ALOX5: variants seen among roughly 807,000 people sequenced by gnomAD.
ALOX5 encodes the protein polyunsaturated fatty acid 5-lipoxygenase.
In ALOX5, 64 loss-of-function variants were observed where a neutral mutation model predicts 87.9. The ratio of observed to expected loss-of-function variants is 0.73; its 90% confidence interval spans 0.60 to 0.90. The LOEUF (loss-of-function observed/expected upper bound fraction) is 0.90, where lower values mean the gene tolerates loss of function less well. Ranked by LOEUF, ALOX5 falls within the 40% of genes least tolerant of loss-of-function variation. The pLI is 0.00. For synonymous variants in ALOX5, 388 were observed against 355.1 expected, an observed-to-expected ratio of 1.09 and a Z score of -1.04; for missense variants, 822 against 907.5, an observed-to-expected ratio of 0.91 and a Z score of 1.21.
Position 45,445,909 on chromosome 10 carries a change from G to A in ALOX5, c.*222G>A. ...ACAGAGCAGGACTGCACAGCGTCCT[G>A]TCCACACCCAGCTCAGCATTTCCAC... On this transcript the variant is annotated 3_prime_UTR_variant, in exon 14 of 14. Transcript: ENST00000374391. The A allele has an allele frequency of 2.1e-6, 1 of 472,992 alleles. No homozygotes were observed. The highest frequency in any genetic ancestry group is 3.7e-6 in the Non-Finnish European group (1 of 270,922). The allele number at this position is 472,992 out of a possible 1,614,324, so 29.3% of individuals were successfully genotyped here.
chr10:45,421,040 G>A (rs1011130243), intron 4 of ALOX5, among the ~76,000 whole-genome samples: 1 of 152,236 alleles, frequency 6.6e-6, no homozygotes, highest in African/African-American at 2.4e-5. Flanking sequence ...CTGCCCCTAG[G>A]CCAGGTGATC....
chr10:45,443,321 G>C, intron 10 of ALOX5, 95 bp from the exon 11 acceptor site: 1 of 1,583,996 alleles, frequency 6.3e-7, no homozygotes, highest in Admixed American at 1.7e-5. Context: ...TGGGGACGGG[G>C]TGGGGGAGTC....
At chr10:45,377,468 C>T (rs1234091229) in intron 1 of ALOX5, among the ~76,000 whole-genome samples, 4 of 152,042 alleles carry the variant, frequency 2.6e-5, no homozygotes, top group Non-Finnish European at 5.9e-5. Flanking sequence ...CTTCCAGCCA[C>T]CTCTCAGAGG....
At chr10:45,422,004 A>G (rs1217600607) in intron 4 of ALOX5, among the ~76,000 whole-genome samples, 2 of 152,128 alleles carry the variant, frequency 1.3e-5, no homozygotes, top group African/African-American at 2.4e-5. Flanking sequence ...CCTGAGCATC[A>G]TGGCCTCCTA....
chr10:45,376,471 C>T (rs943145118), intron 1 of ALOX5, among the ~76,000 whole-genome samples: 1 of 152,182 alleles, frequency 6.6e-6, no homozygotes, highest in Non-Finnish European at 1.5e-5. Context: ...CAGCCCAGAA[C>T]TACTTCCTCA....
Position 45,397,164 on chromosome 10 carries a change from C to T in ALOX5, c.431+1228C>T, listed in dbSNP as rs548172777. Among the ~76,000 whole-genome samples the T allele has an allele frequency of 1.3e-3, 193 of 152,300 alleles. 1 individual carries two copies. The highest frequency in any genetic ancestry group is 4.5e-3 in the African/African-American group (189 of 41,554). On this transcript the variant is annotated intron_variant, in intron 3 of 13. Transcript: ENST00000374391. ...TTGGGAGGCCAAGGCGGGTGGATCA[C>T]GATGTCAAGAGATTGAGACCATCCT...
chr10:45,395,435 A>G (rs976895193), intron 2 of ALOX5, among the ~76,000 whole-genome samples: 1 of 152,170 alleles, frequency 6.6e-6, no homozygotes, highest in Non-Finnish European at 1.5e-5. Flanking sequence ...GAAGGGGAAC[A>G]TCACACACCA....
intron 1 of ALOX5, among the ~76,000 whole-genome samples, chr10:45,378,534 A>T (rs922676857): frequency 3.9e-5 from 6 of 152,228 alleles, no homozygotes; most frequent in Non-Finnish European, 5.9e-5. Context: ...AATGTGTCAC[A>T]GCAAATAGAC....
intron 4 of ALOX5, among the ~76,000 whole-genome samples, chr10:45,423,811 G>A (rs975861843): frequency 1.3e-5 from 2 of 152,216 alleles, no homozygotes; most frequent in Non-Finnish European, 2.9e-5. Context: ...AGGCACTGCA[G>A]GCTATTCTGG....
intron 3 of ALOX5, among the ~76,000 whole-genome samples, chr10:45,410,378 C>T (rs189914144): frequency 1.1e-3 from 170 of 152,190 alleles, no homozygotes; most frequent in Non-Finnish European, 4.0e-4. Context: ...ATACAAACAG[C>T]AAAAATGGAA....
In ALOX5 at chr10:45,441,421, C is replaced by A; in HGVS notation, c.1263C>A (p.Leu421=). The A allele has an allele frequency of 1.2e-6, 2 of 1,613,366 alleles. No homozygotes were observed. Among genetic ancestry groups the A allele is most frequent in the South Asian group, 2.2e-5 (2 of 91,004 alleles). ...AGCAGCTCATCTGCGAGTGTGGCCTCTTTGACAAGGTGGGTGCCCTCCTAC... is the reference window on the plus strand; with the variant it reads ...AGCAGCTCATCTGCGAGTGTGGCCTATTTGACAAGGTGGGTGCCCTCCTAC... ...AREQLICECG[L]FDKANATGGG... The change falls in exon 9 of 14, where the codon CTC becomes CTA. Residue 421 remains leucine, a synonymous_variant. Coordinates refer to ENST00000374391, the MANE Select transcript of ALOX5 (RefSeq NM_000698.5).
In ALOX5 at chr10:45,444,266, A is replaced by G; in HGVS notation, c.1825A>G (p.Ser609Gly). The G allele has an allele frequency of 6.4e-7, 1 of 1,554,326 alleles. No individual in the cohort carries two copies. Among genetic ancestry groups the G allele is most frequent in the Non-Finnish European group, 8.7e-7 (1 of 1,148,918 alleles). Residue 609 changes from serine to glycine, a missense_variant, in exon 13 of 14, where the codon AGC becomes GGC. By Grantham distance (56) the Ser-to-Gly change is moderately conservative. Coordinates refer to ENST00000374391, the MANE Select transcript of ALOX5 (RefSeq NM_000698.5). ...GCATCTGGGTGCAGTGTGGGCGCTGAGCCAGTTCCAGGAAAACGAGGTGAA... is the reference window on the plus strand; with the variant it reads ...GCATCTGGGTGCAGTGTGGGCGCTGGGCCAGTTCCAGGAAAACGAGGTGAA... ...CWHLGAVWALSQFQENELFLG... is the reference protein window; with the variant it reads ...CWHLGAVWALGQFQENELFLG...
chr10:45,421,947 A>G (rs1460285575), intron 4 of ALOX5, among the ~76,000 whole-genome samples: 7 of 152,312 alleles, frequency 4.6e-5, no homozygotes, highest in African/African-American at 1.4e-4. Flanking sequence ...GAGGAGAAAA[A>G]GACAGTACTC....
chr10:45,390,191 C>A (rs1588989840), intron 2 of ALOX5, among the ~76,000 whole-genome samples: 1 of 152,302 alleles, frequency 6.6e-6, no homozygotes, highest in East Asian at 1.9e-4. Context: ...ATTTATAAAG[C>A]AAGTCCTTAG....
chr10:45,391,987 TG>T (rs531423656), intron 2 of ALOX5, among the ~76,000 whole-genome samples: 1 of 145,104 alleles, frequency 6.9e-6, no homozygotes, highest in East Asian at 2.1e-4. Context: ...GGGAGGGAGG[TG>T]GGGGGCGGTC....
At chr10:45,400,792 T>A (rs905430300) in intron 3 of ALOX5, among the ~76,000 whole-genome samples, 3 of 151,744 alleles carry the variant, frequency 2.0e-5, no homozygotes, top group Non-Finnish European at 4.4e-5. Flanking sequence ...GCACTAGGAG[T>A]TGGGGAGGGG....
chr10:45,434,845 T>C (rs1275890195), intron 7 of ALOX5, among the ~76,000 whole-genome samples: 1 of 152,228 alleles, frequency 6.6e-6, no homozygotes, highest in Non-Finnish European at 1.5e-5. Flanking sequence ...TGCAAAGACC[T>C]ATGAAAGGAG....
chr10:45,440,989 C>T (rs1842217984), intron 8 of ALOX5, among the ~76,000 whole-genome samples: 1 of 152,208 alleles, frequency 6.6e-6, no homozygotes, highest in African/African-American at 2.4e-5. Flanking sequence ...GCTGGGGTGA[C>T]TGCATGCTAA....
chr10:45,436,203 G>T (rs570504179), intron 7 of ALOX5, among the ~76,000 whole-genome samples: 1 of 152,264 alleles, frequency 6.6e-6, no homozygotes, highest in African/African-American at 2.4e-5. Context: ...TCTGTAGGTT[G>T]TCTGTTTACT....
Sources: gnomAD v4.1 joint callset for allele counts (sites outside exome capture counted in the v4.1 genomes callset) on GRCh38, gnomAD v4.1.1 for gene constraint, MANE v1.5 for transcripts, NCBI Gene and HGNC (gene_info 2026-07-23, HGNC 2026-07-21) for gene names.